Variants in APP observed in about 807,000 individuals in gnomAD.
The protein encoded by APP is amyloid beta precursor protein.
APP carries 31 observed loss-of-function variants against 101.4 expected under a neutral mutation model. That is an observed-to-expected ratio of 0.31 (90% CI 0.23 to 0.41). The LOEUF is 0.41. APP is among the 10% of genes least tolerant of loss of function. The pLI, the probability that APP is intolerant of heterozygous loss-of-function variation, is 1.00. For synonymous variants in APP, 366 were observed against 364.4 expected (o/e 1.00, Z -0.05); for missense variants, 839 against 1,003.7 (o/e 0.84, Z 2.22).
chr21:25,943,013 T>A (rs2040642577), intron 13 of APP: 1 of 152,156 alleles, frequency 6.6e-6, no homozygotes, highest in South Asian at 2.1e-4. Context: ...ATCTATGAAT[T>A]TACTACCCTA....
intron 13 of APP, chr21:25,928,990 G>T (rs1211885692): frequency 2.6e-5 from 4 of 152,226 alleles, no homozygotes; most frequent in African/African-American, 9.7e-5. Flanking sequence ...AAAGTGCTGG[G>T]ATTACAGGCA....
chr21:26,029,063 G>T (rs948891375), intron 5 of APP, among the ~76,000 whole-genome samples: 2 of 152,026 alleles, frequency 1.3e-5, no homozygotes, highest in African/African-American at 4.8e-5. Context: ...AGGCCCAGGT[G>T]TGAGGAAGAG....
chr21:25,899,911 T>C lies in APP; in HGVS notation c.1964-2238A>G, dbSNP rs939141881. Among the ~76,000 whole-genome samples the C allele has an allele frequency of 2.0e-5, 3 of 152,198 alleles. No homozygotes were observed. The East Asian group carries it at 5.8e-4, about 29-fold the overall frequency. On this transcript the variant is annotated intron_variant, in intron 15 of 17. Coordinates refer to ENST00000346798, the MANE Select transcript of APP (RefSeq NM_000484.4). ...TTTAATATAGACATAAAAGGCACAATGGAAGTGGGACAGTTTCCCTTTCTC... is the reference window on the plus strand; with the variant it reads ...TTTAATATAGACATAAAAGGCACAACGGAAGTGGGACAGTTTCCCTTTCTC...
intron 8 of APP, among the ~76,000 whole-genome samples, chr21:25,995,007 G>A (rs1404423517): frequency 6.6e-6 from 1 of 152,152 alleles, no homozygotes; most frequent in African/African-American, 2.4e-5. Context: ...CATCCTCCTA[G>A]AATGGAAAGG....
At position 26,000,082 on chromosome 21, in the gene APP, G is replaced by T. The variant is rs200016837; in HGVS notation, c.966C>A (p.Gly322=). The change falls in exon 7 of 18, where the codon GGC becomes GGA. Residue 322 remains glycine (G), a synonymous_variant. Transcript: ENST00000346798. Reference sequence around the variant, plus strand: ...AGTTGTTCCGGTTGCCGCCACATCCGCCGTAAAAGAATGGGGCACACTTCC... The same window carrying T: ...AGTTGTTCCGGTTGCCGCCACATCCTCCGTAAAAGAATGGGGCACACTTCC... ...TEGKCAPFFY[G]GCGGNRNNFD... is the part of the protein sequence containing the mutation. The T allele has an allele frequency of 6.2e-7, 1 of 1,614,128 alleles. No individual in the cohort carries two copies. Among genetic ancestry groups the T allele is most frequent in the Non-Finnish European group, 8.5e-7 (1 of 1,180,012 alleles).
intron 13 of APP, among the ~76,000 whole-genome samples, chr21:25,914,710 C>A (rs1358251616): frequency 1.3e-5 from 2 of 149,902 alleles, no homozygotes; most frequent in African/African-American, 4.9e-5. Flanking sequence ...CCCGCCACCA[C>A]GCCCGGCTAA....
At chr21:26,165,906 T>C (rs2063597549) in intron 1 of APP, among the ~76,000 whole-genome samples, 1 of 152,186 alleles carries the variant, frequency 6.6e-6, no homozygotes, top group Non-Finnish European at 1.5e-5. Flanking sequence ...GATGCACATA[T>C]CCAGGCTTTT....
At chr21:25,931,637 A>G (rs1360289865) in intron 13 of APP, among the ~76,000 whole-genome samples, 1 of 152,190 alleles carries the variant, frequency 6.6e-6, no homozygotes, top group Non-Finnish European at 1.5e-5. Flanking sequence ...AGCCAGAAAG[A>G]TATTTCAGGA....
chr21:26,094,827 T>C (rs1459036488), intron 2 of APP, among the ~76,000 whole-genome samples: 2 of 151,670 alleles, frequency 1.3e-5, no homozygotes, highest in Non-Finnish European at 2.9e-5. Flanking sequence ...AAATGAGTTT[T>C]ATTTTTCTAT....
intron 3 of APP, among the ~76,000 whole-genome samples, chr21:26,062,452 C>T (rs966714375): frequency 2.4e-4 from 37 of 151,944 alleles, no homozygotes; most frequent in Non-Finnish European, 4.4e-4. Context: ...CACCTGAGGT[C>T]AGGAGTTCGA....
intron 1 of APP, among the ~76,000 whole-genome samples, chr21:26,117,962 T>C (rs1434214675): frequency 6.6e-6 from 1 of 152,242 alleles, no homozygotes; most frequent in Non-Finnish European, 1.5e-5. Flanking sequence ...ACTGTTGATC[T>C]GGCTTCTAAT....
chr21:26,010,980 C>T (rs1315204989), intron 6 of APP, among the ~76,000 whole-genome samples: 4 of 151,730 alleles, frequency 2.6e-5, no homozygotes, highest in East Asian at 1.9e-4. Flanking sequence ...GAACTGAGAT[C>T]GTGTCACTGC....
chr21:26,057,499 A>C (rs999675292), intron 3 of APP, among the ~76,000 whole-genome samples: 37 of 149,286 alleles, frequency 2.5e-4, no homozygotes, highest in South Asian at 4.2e-4. Flanking sequence ...ACACACACAC[A>C]CCCAACTGAA....
At chr21:25,920,439 G>C (rs1371027418) in intron 13 of APP, among the ~76,000 whole-genome samples, 1 of 152,098 alleles carries the variant, frequency 6.6e-6, no homozygotes, top group African/African-American at 2.4e-5. Context: ...TGGCAAGTTG[G>C]ATAAAGAGTC....
At chr21:25,957,616 G>T (rs942963320) in intron 11 of APP, among the ~76,000 whole-genome samples, 8 of 151,492 alleles carry the variant, frequency 5.3e-5, no homozygotes, top group African/African-American at 1.9e-4. Context: ...TGCTTTCTTA[G>T]TTGCTCTATT....
intron 13 of APP, among the ~76,000 whole-genome samples, chr21:25,924,888 C>T (rs1015006): frequency 1 from 152,320 of 152,322 alleles, 76,159 homozygotes; most frequent in Middle Eastern, 1. Flanking sequence ...TTACTATTTT[C>T]TTTCCTTTTT....
At chr21:26,069,411 T>G (rs542902490) in intron 3 of APP, among the ~76,000 whole-genome samples, 1 of 152,306 alleles carries the variant, frequency 6.6e-6, no homozygotes, top group South Asian at 2.1e-4. Flanking sequence ...AGCTTGTTCA[T>G]CATGATCCTG....
intron 6 of APP, among the ~76,000 whole-genome samples, chr21:26,013,179 C>T (rs2043894039): frequency 1.3e-5 from 2 of 151,730 alleles, no homozygotes; most frequent in Non-Finnish European, 2.9e-5. Flanking sequence ...TAGCCAGGCG[C>T]GGTTGTGTGC....
intron 16 of APP, among the ~76,000 whole-genome samples, chr21:25,895,989 C>T (rs1052947306): frequency 9.2e-5 from 14 of 152,154 alleles, no homozygotes; most frequent in Non-Finnish European, 1.9e-4. Flanking sequence ...GCATTATAGG[C>T]GTTAGTGTAA....
Sources: gnomAD v4.1 joint callset for allele counts (sites outside exome capture counted in the v4.1 genomes callset) on GRCh38, gnomAD v4.1.1 for gene constraint, MANE v1.5 for transcripts, NCBI Gene and HGNC (gene_info 2026-07-23, HGNC 2026-07-21) for gene names.